Variants in EPB41L4A observed in about 807,000 individuals in gnomAD.
EPB41L4A encodes erythrocyte membrane protein band 4.1 like 4A.
A neutral mutation model predicts 108.6 loss-of-function variants in EPB41L4A; 100 were observed. The ratio of observed to expected loss-of-function variants is 0.92; its 90% CI spans 0.78 to 1.09. EPB41L4A has a LOEUF of 1.09. Among genes scored for constraint, EPB41L4A ranks in the 50% least tolerant of loss-of-function variants. The pLI is 0.00. For synonymous variants in EPB41L4A, 319 were observed against 289.0 expected (o/e 1.10, Z -1.05); for missense variants, 1,030 against 842.7 (o/e 1.22, Z -2.75).
intron 9 of EPB41L4A, among the ~76,000 whole-genome samples, chr5:112,243,254 C>T (rs1246830872): frequency 7.0e-6 from 1 of 141,878 alleles, no homozygotes; most frequent in East Asian, 2.1e-4. Context: ...TATACACACA[C>T]ACACATATAT....
At chr5:112,264,770 C>A in intron 6 of EPB41L4A, 126 bp downstream of exon 6, 2 of 892,882 alleles carry the variant, frequency 2.2e-6, no homozygotes, top group Non-Finnish European at 1.6e-6. Flanking sequence ...TTAAACTATA[C>A]AAAGAGGAGT....
At chr5:112,350,028 T>C (rs947356809) in intron 1 of EPB41L4A, among the ~76,000 whole-genome samples, 9 of 152,154 alleles carry the variant, frequency 5.9e-5, no homozygotes, top group Non-Finnish European at 1.3e-4. Context: ...AACCGAACTG[T>C]TGCCATGACA....
intron 16 of EPB41L4A, 160 bp from the exon 17 acceptor site, chr5:112,194,805 A>T (rs1322188033): frequency 5.9e-6 from 3 of 506,338 alleles, no homozygotes; most frequent in Non-Finnish European, 1.0e-5. Flanking sequence ...AGTGTTTCTG[A>T]ACTCAGTAAG....
chr5:112,149,389 G>C (rs375555684), intron 12 of EPB41L4A, among the ~76,000 whole-genome samples: 3 of 152,070 alleles, frequency 2.0e-5, no homozygotes, highest in African/African-American at 4.8e-5. Flanking sequence ...GGAGAATCGC[G>C]TGAACCTGGG....
At chr5:112,345,903 A>G (rs1294889002) in intron 1 of EPB41L4A, among the ~76,000 whole-genome samples, 5 of 151,998 alleles carry the variant, frequency 3.3e-5, no homozygotes, top group Non-Finnish European at 7.4e-5. Flanking sequence ...TCCAATATAA[A>G]CACCTATGTA....
At chr5:112,419,357 G>T, upstream of EPB41L4A, 1 of 326,608 alleles carries the variant, frequency 3.1e-6, no homozygotes, top group Non-Finnish European at 5.7e-6. Context: ...GGCCCCTCCC[G>T]CAGTCCTGGG....
chr5:112,286,741 T>G (rs1440062768), intron 2 of EPB41L4A, among the ~76,000 whole-genome samples: 3 of 152,132 alleles, frequency 2.0e-5, no homozygotes, highest in Non-Finnish European at 2.9e-5. Context: ...AGGTTTCCCT[T>G]TTGACAGAAT....
At chr5:112,222,933 G>A (rs1180278932) in intron 12 of EPB41L4A, among the ~76,000 whole-genome samples, 1 of 127,044 alleles carries the variant, frequency 7.9e-6, no homozygotes, top group Non-Finnish European at 1.6e-5. Flanking sequence ...TGCTCCACAA[G>A]TGAAACTAGT....
chr5:112,386,088 A>G (rs1166247024), intron 1 of EPB41L4A, among the ~76,000 whole-genome samples: 4 of 152,252 alleles, frequency 2.6e-5, no homozygotes, highest in African/African-American at 9.6e-5. Flanking sequence ...AATGGAATGA[A>G]GTGATGCACT....
At chr5:112,165,391 C>T (rs1760181675) in intron 22 of EPB41L4A, among the ~76,000 whole-genome samples, 1 of 152,180 alleles carries the variant, frequency 6.6e-6, no homozygotes, top group Non-Finnish European at 1.5e-5. Flanking sequence ...AAATCAGTGT[C>T]ATTACTTTTG....
At chr5:112,251,989 TG>T (rs548258084) in intron 9 of EPB41L4A, among the ~76,000 whole-genome samples, 99 of 152,328 alleles carry the variant, frequency 6.5e-4, no homozygotes, top group Non-Finnish European at 1.1e-3. Context: ...TCCACTTTAG[TG>T]GTCTGACCAA....
intron 18 of EPB41L4A, among the ~76,000 whole-genome samples, chr5:112,178,864 A>G (rs568629692): frequency 6.6e-6 from 1 of 152,018 alleles, no homozygotes; most frequent in South Asian, 2.1e-4. Context: ...AAAGAAGAGC[A>G]GGTAAAAGAC....
Position 112,162,637 on chromosome 5 carries a change from A to G in EPB41L4A, c.*2353T>C, listed in dbSNP as rs1759978273. ...AATAATGTATAGAGGTATTCAAAAA[A>G]TTTATTGAAAGCACTGTACTAGGAG... On this transcript the variant is annotated 3_prime_UTR_variant, in exon 23 of 23. Coordinates refer to ENST00000261486, the MANE Select transcript of EPB41L4A (RefSeq NM_022140.5). 1.3e-5 allele frequency: 2 copies of G among 152,206 alleles called. No homozygotes were observed. The highest frequency in any genetic ancestry group is 2.9e-5 in the Non-Finnish European group (2 of 68,024). The allele number at this position is 152,206 out of a possible 1,614,324, so 9.4% of individuals were successfully genotyped here.
chr5:112,398,082 A>G (rs1204651964), intron 1 of EPB41L4A, among the ~76,000 whole-genome samples: 4 of 152,260 alleles, frequency 2.6e-5, no homozygotes, highest in African/African-American at 7.2e-5. Flanking sequence ...ATGATGCATA[A>G]AACAAGCTGG....
At position 112,356,699 on chromosome 5, in the gene EPB41L4A, T is replaced by C. The variant is rs144389315; in HGVS notation, c.100-49209A>G. On this transcript the variant is annotated intron_variant, in intron 1 of 22. Coordinates refer to ENST00000261486, the MANE Select transcript of EPB41L4A (RefSeq NM_022140.5). ...TCCTACAGACTCTCATGTGGGTCTA[T>C]TGCATTGAGTACACTGTGCTGACTG... Among the ~76,000 whole-genome samples, 11 of 152,294 alleles carry C rather than the reference T, an allele frequency of 7.2e-5. No homozygotes were observed. The East Asian group carries it at 1.5e-3, about 21-fold the overall frequency.
intron 12 of EPB41L4A, among the ~76,000 whole-genome samples, chr5:112,229,832 CAA>C (rs1748740644): frequency 6.6e-6 from 1 of 151,752 alleles, no homozygotes; most frequent in African/African-American, 2.4e-5. Context: ...ACTGAAAATA[CAA>C]AAAGTTAGCC....
At chr5:112,162,279 G>A (rs1043033653), downstream of EPB41L4A, 1 of 152,224 alleles carries the variant, frequency 6.6e-6, no homozygotes, top group African/African-American at 2.4e-5. Context: ...ATTTAAGACA[G>A]TGAGGATGTG....
chr5:112,222,260 T>C (rs1328054477), intron 12 of EPB41L4A, among the ~76,000 whole-genome samples: 1 of 152,236 alleles, frequency 6.6e-6, no homozygotes, highest in Non-Finnish European at 1.5e-5. Context: ...TATTTTCAAA[T>C]CATTCTAGAC....
At chr5:112,324,435 A>C (rs908287101) in intron 1 of EPB41L4A, among the ~76,000 whole-genome samples, 2 of 152,016 alleles carry the variant, frequency 1.3e-5, no homozygotes, top group African/African-American at 4.8e-5. Context: ...ACATGGTAAA[A>C]CCCTGTCTCT....
Sources: allele counts gnomAD v4.1 joint callset (sites outside exome capture counted in the v4.1 genomes callset), GRCh38; gene constraint gnomAD v4.1.1; transcripts MANE v1.5; gene names NCBI Gene and HGNC (gene_info 2026-07-23, HGNC 2026-07-21).